GRIN2A: variants seen among roughly 807,000 people sequenced by gnomAD.
The protein encoded by GRIN2A is glutamate ionotropic receptor NMDA type subunit 2A, also known as glutamate receptor ionotropic, NMDA 2A.
Under a neutral mutation model 113.4 loss-of-function variants are expected in GRIN2A, and 22 were observed. The ratio of observed to expected loss-of-function variants is 0.19; its 90% CI spans 0.14 to 0.28. The LOEUF is 0.28. Among genes scored for constraint, GRIN2A ranks in the 10% least tolerant of loss-of-function variants. The pLI, the probability that GRIN2A is intolerant of heterozygous loss-of-function variation, is 1.00. For synonymous variants in GRIN2A, 827 were observed against 738.4 expected (o/e 1.12, Z -1.94); for missense variants, 1,502 against 1,887.0 (o/e 0.80, Z 3.78).
intron 2 of GRIN2A, among the ~76,000 whole-genome samples, chr16:9,974,696 G>A (rs2045741769): frequency 6.6e-6 from 1 of 152,178 alleles, no homozygotes; most frequent in Non-Finnish European, 1.5e-5. Context: ...TACATTGTAT[G>A]TGAAGCAATG....
intron 2 of GRIN2A, among the ~76,000 whole-genome samples, chr16:10,177,318 A>G (rs2050168097): frequency 6.6e-6 from 1 of 152,006 alleles, no homozygotes; most frequent in Admixed American, 6.5e-5. Flanking sequence ...TCCTCTCAAT[A>G]TCACCGTTCC....
intron 2 of GRIN2A, among the ~76,000 whole-genome samples, chr16:9,962,506 GA>G (rs1419244608): frequency 1.3e-5 from 2 of 152,046 alleles, no homozygotes; most frequent in African/African-American, 2.4e-5. Flanking sequence ...AAAAACACAT[GA>G]AAAAATGCTC....
At chr16:10,096,539 A>AACACACACAAACACACACAC (rs1555478919) in intron 2 of GRIN2A, among the ~76,000 whole-genome samples, 1 of 137,670 alleles carries the variant, frequency 7.3e-6, no homozygotes, top group Non-Finnish European at 1.6e-5. Context: ...ATTGTGGTAA[A>AACACACACAAACACACACAC]ACACACACAC....
intron 10 of GRIN2A, among the ~76,000 whole-genome samples, chr16:9,820,718 G>A (rs1405347029): frequency 6.6e-6 from 1 of 152,188 alleles, no homozygotes; most frequent in African/African-American, 2.4e-5. Flanking sequence ...AAGTGCAGGT[G>A]GCGGGTGGAA....
At chr16:10,159,354 G>A (rs1318839786) in intron 2 of GRIN2A, among the ~76,000 whole-genome samples, 1 of 152,218 alleles carries the variant, frequency 6.6e-6, no homozygotes, top group Non-Finnish European at 1.5e-5. Flanking sequence ...ATGTCAAGGA[G>A]AGAAGCCCAC....
At chr16:9,880,013 A>G (rs1483436168) in intron 4 of GRIN2A, among the ~76,000 whole-genome samples, 2 of 152,236 alleles carry the variant, frequency 1.3e-5, no homozygotes, top group East Asian at 1.9e-4. Context: ...AATTACCTCA[A>G]ACTTACCCAT....
chr16:9,800,849 A>C (rs185861494), intron 10 of GRIN2A, among the ~76,000 whole-genome samples: 39 of 152,326 alleles, frequency 2.6e-4, no homozygotes, highest in African/African-American at 9.4e-4. Flanking sequence ...CAGCAAGTCA[A>C]GAGGAACAGC....
intron 2 of GRIN2A, among the ~76,000 whole-genome samples, chr16:10,093,493 C>T (rs532084282): frequency 6.6e-6 from 1 of 152,282 alleles, no homozygotes; most frequent in South Asian, 2.1e-4. Context: ...ACATTTGCTG[C>T]GTAGCATTGG....
chr16:9,759,699 C>T lies in GRIN2A; in HGVS notation c.*3450G>A, dbSNP rs184674259. The T allele has an allele frequency of 3.1e-4, 70 of 229,238 alleles. No individual in the cohort carries two copies. Among genetic ancestry groups the T allele is most frequent in the African/African-American group, 1.5e-3 (66 of 45,204 alleles). 14.2% of individuals were successfully genotyped at this position (229,238 alleles called of 1,614,324 possible). On this transcript the variant is annotated 3_prime_UTR_variant, in exon 13 of 13. Transcript: ENST00000330684. ...CCAGTCATGGTGCTGGCTAAAATAA[C>T]GCAGAGAGATTTGCAGAGGACATAA...
At chr16:9,849,706 C>T (rs1478419901) in intron 5 of GRIN2A, 50 bp downstream of exon 5, 2 of 1,299,878 alleles carry the variant, frequency 1.5e-6, no homozygotes, top group African/African-American at 2.9e-5. Flanking sequence ...ATGATCCATG[C>T]TATTTCAAAG....
chr16:9,882,401 T>C (rs577053171), intron 4 of GRIN2A, among the ~76,000 whole-genome samples: 24 of 152,314 alleles, frequency 1.6e-4, no homozygotes, highest in African/African-American at 4.6e-4. Context: ...ATCCTATAAC[T>C]GGAATCTACT....
At chr16:9,948,039 A>G (rs1249447860) in intron 2 of GRIN2A, among the ~76,000 whole-genome samples, 1 of 152,164 alleles carries the variant, frequency 6.6e-6, no homozygotes, top group Non-Finnish European at 1.5e-5. Context: ...TCTAAATGAC[A>G]CAACTTTGCA....
chr16:10,040,874 G>C (rs80186011), intron 2 of GRIN2A, among the ~76,000 whole-genome samples: 1 of 152,224 alleles, frequency 6.6e-6, no homozygotes, highest in Non-Finnish European at 1.5e-5. Context: ...CCGATGAGCC[G>C]TCGTATCTAT....
At position 9,972,388 on chromosome 16, in the gene GRIN2A, GACTT is replaced by G. The variant is rs1321017342; in HGVS notation, c.415-33841_415-33838del. 2.0e-5 allele frequency among the ~76,000 whole-genome samples: 3 copies of G among 152,042 alleles called. No homozygotes were observed. In the South Asian group the frequency reaches 6.3e-4, roughly 32 times the overall value. ...ATCTGACCCATTCTCAAGCAAAAAA[GACTT>G]ACTTTACATATAAGAAATAGGGAAA... On this transcript the variant is annotated intron_variant, in intron 2 of 12. Transcript: ENST00000330684.
chr16:9,873,620 C>G (rs990104429), intron 4 of GRIN2A, among the ~76,000 whole-genome samples: 5 of 152,048 alleles, frequency 3.3e-5, no homozygotes, highest in African/African-American at 1.2e-4. Flanking sequence ...TTAGAGAAAA[C>G]AAAACAAAAA....
At chr16:9,922,488 C>T (rs1020225507) in intron 3 of GRIN2A, among the ~76,000 whole-genome samples, 1 of 152,096 alleles carries the variant, frequency 6.6e-6, no homozygotes, top group Non-Finnish European at 1.5e-5. Flanking sequence ...GAATTACATC[C>T]ACGCCCATCT....
chr16:10,110,741 C>G (rs1003612312), intron 2 of GRIN2A, among the ~76,000 whole-genome samples: 1 of 152,166 alleles, frequency 6.6e-6, no homozygotes, highest in African/African-American at 2.4e-5. Flanking sequence ...AAAAAACTTC[C>G]CAGGCTCCAC....
intron 2 of GRIN2A, among the ~76,000 whole-genome samples, chr16:10,055,068 AAAAAAAAAAAAAAAAAAGAAAAAAG>A (rs1567266350): frequency 0.033 from 2,631 of 80,378 alleles, 340 homozygotes; most frequent in African/African-American, 0.12. Flanking sequence ...AAAAAAAAAA[AAAAAAAAAAAAAAAAAAGAAAAAAG>A]AAAGAAAGAA....
intron 2 of GRIN2A, among the ~76,000 whole-genome samples, chr16:10,149,308 T>C (rs189637235): frequency 6.6e-6 from 1 of 152,360 alleles, no homozygotes; most frequent in Admixed American, 6.5e-5. Flanking sequence ...CACATTTGCA[T>C]GCCTCTGTCA....
Sources: gnomAD v4.1 joint callset for allele counts (sites outside exome capture counted in the v4.1 genomes callset) on GRCh38, gnomAD v4.1.1 for gene constraint, MANE v1.5 for transcripts, NCBI Gene and HGNC (gene_info 2026-07-23, HGNC 2026-07-21) for gene names.